The following ZC3H14 variants were observed in gnomAD, a reference collection of about 807,000 sequenced individuals.
The protein encoded by ZC3H14 is zinc finger CCCH-type containing 14.
A neutral mutation model predicts 92.4 loss-of-function variants in ZC3H14; 31 were observed. That is an observed-to-expected ratio of 0.34 (90% CI 0.25 to 0.45). The LOEUF is 0.45. ZC3H14 is among the 20% of genes least tolerant of loss of function. ZC3H14 has a pLI of 1.00. For synonymous variants in ZC3H14, 321 were observed against 300.9 expected, an observed-to-expected ratio of 1.07 and a Z score of -0.69; for missense variants, 781 against 897.3, an observed-to-expected ratio of 0.87 and a Z score of 1.66.
At position 88,621,113 on chromosome 14, in the gene ZC3H14, T is replaced by C. The variant is rs749900775; in HGVS notation, c.*9362T>C. ...TTTTAAAAAAATTATCTGTACTTACTTTATCAGCAATATCCCAAAGTCTCA... is the reference window on the plus strand; with the variant it reads ...TTTTAAAAAAATTATCTGTACTTACCTTATCAGCAATATCCCAAAGTCTCA... On this transcript the variant is annotated 3_prime_UTR_variant, in exon 17 of 17. Coordinates refer to ENST00000251038, the MANE Select transcript of ZC3H14 (RefSeq NM_024824.5). 2 of 1,613,492 alleles carry C rather than the reference T, an allele frequency of 1.2e-6. No homozygotes were observed. Among genetic ancestry groups the C allele is most frequent in the Non-Finnish European group, 1.7e-6 (2 of 1,179,718 alleles).
In ZC3H14 at chr14:88,616,296, G is replaced by T; in HGVS notation, c.*4545G>T. On this transcript the variant is annotated 3_prime_UTR_variant, in exon 17 of 17. Coordinates refer to ENST00000251038, the MANE Select transcript of ZC3H14 (RefSeq NM_024824.5). ...GCATTTGGTGCACACAGAAGTCAAA[G>T]GCTCTTATTAGGAACTATAATCTCT... 2 of 1,527,274 alleles carry T rather than the reference G, an allele frequency of 1.3e-6. No individual in the cohort carries two copies. The highest frequency in any genetic ancestry group is 1.1e-5 in the South Asian group (1 of 88,922). 94.6% of individuals were successfully genotyped at this position (1,527,274 alleles called of 1,614,324 possible). A position where few individuals can be genotyped will look rare whatever the true frequency, so the allele number is the denominator to read the frequency against.
At chr14:88,609,182 G>C in intron 13 of ZC3H14, 85 bp from the exon 14 acceptor site, 1 of 1,533,434 alleles carries the variant, frequency 6.5e-7, no homozygotes, top group Non-Finnish European at 9.0e-7. Context: ...AAGTAGTGAT[G>C]GGGAGTGTAA....
intron 9 of ZC3H14, among the ~76,000 whole-genome samples, chr14:88,584,910 C>T (rs1439511932): frequency 6.6e-6 from 1 of 151,564 alleles, no homozygotes; most frequent in Non-Finnish European, 1.5e-5. Context: ...CAGTTATTCA[C>T]CATTTCTGGA....
chr14:88,611,932 T>C lies in ZC3H14; in HGVS notation c.*181T>C. 1.3e-6 allele frequency: 1 copy of C among 794,844 alleles called. No homozygotes were observed. Among genetic ancestry groups the C allele is most frequent in the East Asian group, 2.7e-5 (1 of 36,816 alleles). 49.2% of individuals were successfully genotyped at this position (794,844 alleles called of 1,614,324 possible). On this transcript the variant is annotated 3_prime_UTR_variant, in exon 17 of 17. Transcript: ENST00000251038. ...TCAAGTTTGTAAGTTTATTATGTGG[T>C]TTTAACATTGGGTGTTTTTGTTTTG...
chr14:88,594,865 T>C (rs1311651654), intron 9 of ZC3H14: 3 of 1,614,074 alleles, frequency 1.9e-6, no homozygotes, highest in South Asian at 2.2e-5. Context: ...AAGGAAAATA[T>C]CAGCTGATAT....
chr14:88,618,465 C>A lies in ZC3H14; in HGVS notation c.*6714C>A. On this transcript the variant is annotated 3_prime_UTR_variant, in exon 17 of 17. Coordinates refer to ENST00000251038, the MANE Select transcript of ZC3H14 (RefSeq NM_024824.5). ...TTATTAAGTATGCAAAAGATCACTA[C>A]AAAAACTTAATAGGAGAAAAGCTCT... 1 of 1,097,520 alleles carries A rather than the reference C, an allele frequency of 9.1e-7. No homozygotes were observed. The highest frequency in any genetic ancestry group is 1.3e-6 in the Non-Finnish European group (1 of 765,680). 68.0% of individuals were successfully genotyped at this position (1,097,520 alleles called of 1,614,324 possible).
In ZC3H14 at chr14:88,624,848, C is replaced by G; in HGVS notation, c.*13097C>G. The G allele has an allele frequency of 1.9e-6, 2 of 1,028,918 alleles. No homozygotes were observed. Among genetic ancestry groups the G allele is most frequent in the Non-Finnish European group, 2.8e-6 (2 of 722,676 alleles). The allele number at this position is 1,028,918 out of a possible 1,614,324, so 63.7% of individuals were successfully genotyped here. A position where few individuals can be genotyped will look rare whatever the true frequency, so the allele number is the denominator to read the frequency against. On this transcript the variant is annotated 3_prime_UTR_variant, in exon 17 of 17. Transcript: ENST00000251038. ...CACATAAAAGGTAATAAAGGAGAAG[C>G]ATATGAGGAGGAAGGTCGGAGAGGA...
rs11382327 is a variant in ZC3H14 at position 88,622,805 on chromosome 14, CT to C, written c.*11064del. The C allele has an allele frequency of 4.5e-5, 23 of 514,002 alleles. No homozygotes were observed. The highest frequency in any genetic ancestry group is 7.9e-5 in the African/African-American group (4 of 50,450). The allele number at this position is 514,002 out of a possible 1,614,324, so 31.8% of individuals were successfully genotyped here. On this transcript the variant is annotated 3_prime_UTR_variant, in exon 17 of 17. Coordinates refer to ENST00000251038, the MANE Select transcript of ZC3H14 (RefSeq NM_024824.5). The stretch of plus-strand genomic sequence containing the variant: ...ACAAATACCAAGTTATAAGCAGAAT[CT>C]TTTTTTTTTAAAAAGGCCCTGATAT...
At position 88,626,022 on chromosome 14, in the gene ZC3H14, G is replaced by A. The variant is rs1444625499; in HGVS notation, c.*14271G>A. ...GGTCTCCTGAACACCCTTCTGTCAG[G>A]GCCAGGAATTGTGCTATTTCCTTCT... On this transcript the variant is annotated 3_prime_UTR_variant, in exon 17 of 17. Transcript: ENST00000251038. 5.9e-5 allele frequency: 9 copies of A among 152,128 alleles called. No homozygotes were observed. The highest frequency in any genetic ancestry group is 1.0e-4 in the Non-Finnish European group (7 of 68,030). 9.4% of individuals were successfully genotyped at this position (152,128 alleles called of 1,614,324 possible). A position where few individuals can be genotyped will look rare whatever the true frequency, so the allele number is the denominator to read the frequency against.
At position 88,563,862 on chromosome 14, in the gene ZC3H14, G is replaced by GT. The variant is rs554550535; in HGVS notation, c.79+177dup. ...TTCTTTATCATCTTTTTGCAACCTT[G>GT]TTTTTTTTCTCCCAAACCTCCTTCT... On this transcript the variant is annotated intron_variant, in intron 2 of 16. Coordinates refer to ENST00000251038, the MANE Select transcript of ZC3H14 (RefSeq NM_024824.5). Among the ~76,000 whole-genome samples, 896 of 151,890 alleles carry GT rather than the reference G, an allele frequency of 5.9e-3. 8 individuals are homozygous for GT. Among genetic ancestry groups the GT allele is most frequent in the African/African-American group, 0.021 (866 of 41,430 alleles).
rs924514298 is a variant in ZC3H14 at position 88,618,220 on chromosome 14, G to A, written c.*6469G>A. On this transcript the variant is annotated 3_prime_UTR_variant, in exon 17 of 17. Coordinates refer to ENST00000251038, the MANE Select transcript of ZC3H14 (RefSeq NM_024824.5). ...CAGTTCTTGCCTTGTGAATATATAA[G>A]TATTTACCTAGTCCATGTAGCCCAA... The A allele has an allele frequency of 1.1e-5, 18 of 1,611,700 alleles. No homozygotes were observed. Among genetic ancestry groups the A allele is most frequent in the Non-Finnish European group, 1.5e-5 (18 of 1,178,260 alleles).
chr14:88,607,862 T>C (rs199954446), intron 13 of ZC3H14, among the ~76,000 whole-genome samples: 70 of 22,246 alleles, frequency 3.1e-3, no homozygotes, highest in East Asian at 3.1e-3. Flanking sequence ...TACCATCCCC[T>C]ATCTCACCCT....
chr14:88,572,260 G>A, intron 5 of ZC3H14, 35 bp downstream of exon 5: 2 of 1,606,504 alleles, frequency 1.2e-6, no homozygotes, highest in Non-Finnish European at 8.5e-7. Flanking sequence ...GGGGGCAGAT[G>A]GCTCTGTGTA....
At position 88,623,252 on chromosome 14, in the gene ZC3H14, G is replaced by C. The variant is rs1191429223; in HGVS notation, c.*11501G>C. On this transcript the variant is annotated 3_prime_UTR_variant, in exon 17 of 17. Transcript: ENST00000251038. Reference sequence around the variant, plus strand: ...GCTGGTCTCAAATACCTTGACCTCAGGTGATCTGCCTGCCTCGGCCTCCCA... The same window carrying C: ...GCTGGTCTCAAATACCTTGACCTCACGTGATCTGCCTGCCTCGGCCTCCCA... 1.3e-5 allele frequency: 2 copies of C among 152,138 alleles called. No individual in the cohort carries two copies. The highest frequency in any genetic ancestry group is 3.9e-4 in the East Asian group (2 of 5,182). 9.4% of individuals were successfully genotyped at this position (152,138 alleles called of 1,614,324 possible). A position where few individuals can be genotyped will look rare whatever the true frequency, so the allele number is the denominator to read the frequency against.
Position 88,627,527 on chromosome 14 carries a change from A to C in ZC3H14, c.*15776A>C. The C allele has an allele frequency of 1.0e-6, 1 of 962,532 alleles. No homozygotes were observed. Among genetic ancestry groups the C allele is most frequent in the Non-Finnish European group, 1.5e-6 (1 of 663,538 alleles). The allele number at this position is 962,532 out of a possible 1,614,324, so 59.6% of individuals were successfully genotyped here. On this transcript the variant is annotated 3_prime_UTR_variant, in exon 17 of 17. Coordinates refer to ENST00000251038, the MANE Select transcript of ZC3H14 (RefSeq NM_024824.5). ...AGTACCACTGTGTACAGTATATTGC[A>C]TAGGCCTCCACTGAATGATTGTTTC...
At chr14:88,604,749 C>CA (rs1184635076) in intron 12 of ZC3H14, among the ~76,000 whole-genome samples, 6 of 152,096 alleles carry the variant, frequency 3.9e-5, no homozygotes, top group Admixed American at 2.0e-4. Flanking sequence ...CATGCACCAT[C>CA]ACACCTGGCT....
In ZC3H14 at chr14:88,569,825, T is replaced by C. The variant is rs530347079; in HGVS notation, c.195-1259T>C. 5.3e-5 allele frequency among the ~76,000 whole-genome samples: 8 copies of C among 152,362 alleles called. No individual in the cohort carries two copies. In the South Asian group the frequency reaches 1.7e-3, roughly 32 times the overall value. ...TTCTGCACAGAATTCTCTGGGTTTA[T>C]ACATTGCACAAATTTGAAGAACATT... On this transcript the variant is annotated intron_variant, in intron 3 of 16. Transcript: ENST00000251038.
chr14:88,567,127 T>TA (rs60233429), intron 2 of ZC3H14, among the ~76,000 whole-genome samples: 48 of 137,288 alleles, frequency 3.5e-4, no homozygotes, highest in African/African-American at 1.2e-3. Flanking sequence ...TTTATTTATT[T>TA]TTTTTTGAGA....
At chr14:88,578,287 G>A (rs2081421805) in intron 9 of ZC3H14, 147 bp downstream of exon 9, 1 of 1,255,668 alleles carries the variant, frequency 8.0e-7, no homozygotes, top group African/African-American at 1.5e-5. Context: ...CATGAGGAAG[G>A]TTCATACCAA....
Sources: allele counts gnomAD v4.1 joint callset (sites outside exome capture counted in the v4.1 genomes callset), GRCh38; gene constraint gnomAD v4.1.1; transcripts MANE v1.5; gene names NCBI Gene and HGNC (gene_info 2026-07-23, HGNC 2026-07-21).